Variants in ANKFY1 observed in about 807,000 individuals in gnomAD.
The protein encoded by ANKFY1 is ankyrin repeat and FYVE domain containing 1.
Under a neutral mutation model 128.3 loss-of-function variants are expected in ANKFY1, and 47 were observed. That is an observed-to-expected ratio of 0.37 (90% CI 0.29 to 0.47). The LOEUF is 0.47. Among genes scored for constraint, ANKFY1 ranks in the 20% least tolerant of loss-of-function variants. The probability of loss-of-function intolerance (pLI) is 1.00; values close to 1 mark genes in which losing one functional copy is unlikely to be tolerated. For synonymous variants in ANKFY1, 553 were observed against 601.6 expected, an observed-to-expected ratio of 0.92 and a Z score of 1.18; for missense variants, 1,222 against 1,510.6, an observed-to-expected ratio of 0.81 and a Z score of 3.17.
chr17:4,210,073 C>A (rs998145900), intron 4 of ANKFY1, 126 bp from the exon 5 acceptor site: 2 of 762,168 alleles, frequency 2.6e-6, no homozygotes, highest in Non-Finnish European at 3.9e-6. Context: ...TAAGGTTAAG[C>A]AAAGGGTTAT....
At chr17:4,229,921 A>G (rs2060486817) in intron 3 of ANKFY1, among the ~76,000 whole-genome samples, 1 of 152,258 alleles carries the variant, frequency 6.6e-6, no homozygotes, top group Non-Finnish European at 1.5e-5. Flanking sequence ...CCTATACTGA[A>G]GAGGAGAATT....
At chr17:4,253,599 G>A (rs1011392006) in intron 1 of ANKFY1, among the ~76,000 whole-genome samples, 2 of 151,982 alleles carry the variant, frequency 1.3e-5, no homozygotes, top group African/African-American at 4.8e-5. Context: ...CACACACATC[G>A]TTATTAATCT....
chr17:4,250,090 C>T (rs1240140414), intron 1 of ANKFY1, among the ~76,000 whole-genome samples: 1 of 152,170 alleles, frequency 6.6e-6, no homozygotes, highest in Non-Finnish European at 1.5e-5. Flanking sequence ...GACCCTTCAC[C>T]TCCTATTCTG....
intron 3 of ANKFY1, among the ~76,000 whole-genome samples, chr17:4,224,732 G>C (rs574578882): frequency 3.3e-5 from 5 of 152,048 alleles, no homozygotes; most frequent in African/African-American, 2.4e-5. Flanking sequence ...TGAGTTCATT[G>C]CATCTTTAAT....
chr17:4,194,929 T>C (rs1308147689), intron 10 of ANKFY1, 49 bp downstream of exon 10: 1 of 1,595,970 alleles, frequency 6.3e-7, no homozygotes, highest in East Asian at 2.2e-5. Context: ...TGCCATTTCC[T>C]GGCGCCTGCA....
chr17:4,176,231 A>G (rs1325734801), intron 19 of ANKFY1, among the ~76,000 whole-genome samples: 3 of 152,086 alleles, frequency 2.0e-5, no homozygotes, highest in African/African-American at 7.2e-5. Context: ...GCTCAAACAC[A>G]ATCAGGTCAC....
intron 3 of ANKFY1, chr17:4,222,287 A>C: frequency 1.5e-6 from 1 of 664,546 alleles, no homozygotes; most frequent in Middle Eastern, 4.0e-4. Flanking sequence ...TACCTGAGTG[A>C]GGATGAGGTG....
At chr17:4,212,172 G>C (rs754796943) in intron 4 of ANKFY1, among the ~76,000 whole-genome samples, 3 of 152,188 alleles carry the variant, frequency 2.0e-5, no homozygotes, top group Non-Finnish European at 4.4e-5. Context: ...TCACCTCCAA[G>C]GGCAGTCACA....
intron 19 of ANKFY1, among the ~76,000 whole-genome samples, chr17:4,175,565 G>A (rs1442101847): frequency 1.3e-5 from 2 of 152,178 alleles, no homozygotes; most frequent in Admixed American, 1.3e-4. Flanking sequence ...GTTCCTCCGT[G>A]TGTACAGGCA....
rs927327648 is a variant in ANKFY1 at position 4,235,688 on chromosome 17, A to C, written c.322+84T>G. On this transcript the variant is annotated intron_variant, in intron 3 of 24. Transcript: ENST00000341657. The stretch of plus-strand genomic sequence containing the variant: ...ATTATTTTACTTTCATTAAATCACA[A>C]ATATTTCAAAATGAGACACCACAAC... 1.5e-5 allele frequency: 14 copies of C among 926,198 alleles called. No homozygotes were observed. The African/African-American group carries it at 1.8e-4, about 12-fold the overall frequency. The allele number at this position is 926,198 out of a possible 1,614,324, so 57.4% of individuals were successfully genotyped here. A position where few individuals can be genotyped will look rare whatever the true frequency, so the allele number is the denominator to read the frequency against.
At chr17:4,219,109 C>T (rs940605229) in intron 3 of ANKFY1, among the ~76,000 whole-genome samples, 2 of 152,088 alleles carry the variant, frequency 1.3e-5, no homozygotes, top group African/African-American at 2.4e-5. Flanking sequence ...TTACTTTTAG[C>T]TTTATTTTTA....
chr17:4,197,476 T>G lies in ANKFY1; in HGVS notation c.1000A>C (p.Ser334Arg), dbSNP rs2059846837. Residue 334 changes from serine to arginine, a missense_variant, in exon 8 of 25, where the codon AGT (serine) becomes CGT (arginine). Ser to Arg is a moderately radical substitution (Grantham distance 110, BLOSUM62 -1). Coordinates refer to ENST00000341657, the MANE Select transcript of ANKFY1 (RefSeq NM_001330063.2). ...ETPLHLVALY[S>R]SKKHSADVMS... ...ACATCTGCTGAGTGTTTCTTTGAAC[T>G]GTACAAGGCCACAAGGTGCAGTGGT... The G allele has an allele frequency of 3.7e-6, 6 of 1,614,180 alleles. No individual in the cohort carries two copies. The highest frequency in any genetic ancestry group is 5.1e-6 in the Non-Finnish European group (6 of 1,180,024).
intron 3 of ANKFY1, among the ~76,000 whole-genome samples, chr17:4,225,549 A>G (rs1336108149): frequency 6.6e-6 from 1 of 152,202 alleles, no homozygotes; most frequent in African/African-American, 2.4e-5. Flanking sequence ...CAGAGGTTCT[A>G]GTTCTGTTAT....
intron 1 of ANKFY1, chr17:4,263,463 C>G: frequency 4.4e-6 from 5 of 1,128,214 alleles, no homozygotes; most frequent in Non-Finnish European, 6.2e-6. Context: ...TGCTGCCTCG[C>G]CCCCACCCCA....
At chr17:4,184,230 A>G (rs1046148921) in intron 12 of ANKFY1, among the ~76,000 whole-genome samples, 13 of 152,194 alleles carry the variant, frequency 8.5e-5, no homozygotes, top group African/African-American at 3.1e-4. Flanking sequence ...CGCAATCTTA[A>G]AACTTTCCCT....
chr17:4,223,181 C>G (rs1404972579), intron 3 of ANKFY1: 1 of 801,596 alleles, frequency 1.2e-6, no homozygotes, highest in African/African-American at 1.7e-5. Context: ...AAGTCGTAAG[C>G]TGCAAAGTCT....
intron 3 of ANKFY1, among the ~76,000 whole-genome samples, chr17:4,232,285 C>G (rs1183475753): frequency 2.0e-5 from 3 of 152,126 alleles, no homozygotes; most frequent in Non-Finnish European, 4.4e-5. Flanking sequence ...AGTGTCAGTG[C>G]TTCCAGGTAT....
chr17:4,178,892 C>G lies in ANKFY1; in HGVS notation c.2563G>C (p.Ala855Pro). ...MTFKNNKSAE[A>P]ILKRESGAAE... ...GCCCCGGACTCTCGTTTGAGAATGG[C>G]CTCGGCTGACTTGTTGTTCTTGAAA... The change falls in exon 18 of 25, where the codon GCC becomes CCC. Residue 855 changes from alanine to proline, a missense_variant. By Grantham distance (27) the Ala-to-Pro change is conservative. Coordinates refer to ENST00000341657, the MANE Select transcript of ANKFY1 (RefSeq NM_001330063.2). This position sits in a 1 kb window ranked among gnomAD's most constrained non-coding sequence, Gnocchi z 4.1. 1 of 1,614,222 alleles carries G rather than the reference C, an allele frequency of 6.2e-7. No homozygotes were observed. Among genetic ancestry groups the G allele is most frequent in the East Asian group, 2.2e-5 (1 of 44,892 alleles).
intron 4 of ANKFY1, chr17:4,216,587 C>T (rs2060223978): frequency 6.8e-6 from 2 of 294,266 alleles, no homozygotes; most frequent in South Asian, 3.3e-5. Flanking sequence ...CATTTAGGCA[C>T]TCATTGTTTC....
Sources: gnomAD v4.1 joint callset for allele counts (sites outside exome capture counted in the v4.1 genomes callset) on GRCh38, gnomAD v4.1.1 for gene constraint, Gnocchi (gnomAD v3.1) non-coding constraint, MANE v1.5 for transcripts, NCBI Gene and HGNC (gene_info 2026-07-23, HGNC 2026-07-21) for gene names.